The following SPEF2 variants were observed in gnomAD, a reference collection of about 807,000 sequenced individuals.
SPEF2 encodes sperm flagella and cilia-associated protein 2.
A neutral mutation model predicts 224.6 loss-of-function variants in SPEF2; 187 were observed. That is an observed-to-expected ratio of 0.83 (90% CI 0.74 to 0.94). The LOEUF (loss-of-function observed/expected upper bound fraction) is 0.94. SPEF2 is among the 40% of genes least tolerant of loss of function. SPEF2 has a pLI of 0.00. For synonymous variants in SPEF2, 715 were observed against 707.3 expected, an observed-to-expected ratio of 1.01 and a Z score of -0.17; for missense variants, 2,170 against 2,135.6, an observed-to-expected ratio of 1.02 and a Z score of -0.32.
rs145245267 is a variant in SPEF2, at chr5:35,731,891, T to C, written c.3063+4068T>C. Among the ~76,000 whole-genome samples, 1,515 of 152,266 alleles carry C rather than the reference T, an allele frequency of 9.9e-3. 26 individuals carry two copies. The highest frequency in any genetic ancestry group is 0.035 in the African/African-American group (1,456 of 41,536). The stretch of plus-strand genomic sequence containing the variant: ...CAGGGGCTGGAAGAACCTACAGATA[T>C]TACATTATCCATGACTCACAGAAAT... On this transcript the variant is annotated intron_variant, in intron 21 of 36. Coordinates refer to ENST00000356031, the MANE Select transcript of SPEF2 (RefSeq NM_024867.4).
chr5:35,712,318 C>G (rs1317439782), intron 19 of SPEF2, among the ~76,000 whole-genome samples: 2 of 151,908 alleles, frequency 1.3e-5, no homozygotes, highest in Admixed American at 1.3e-4. Flanking sequence ...CATACTCAAA[C>G]TCCTGGGCTC....
chr5:35,621,730 G>A (rs1390074352), intron 1 of SPEF2, among the ~76,000 whole-genome samples: 1 of 152,188 alleles, frequency 6.6e-6, no homozygotes, highest in Non-Finnish European at 1.5e-5. Flanking sequence ...AGAAACAGGA[G>A]AGAATGCCAA....
At position 35,641,670 on chromosome 5, in the gene SPEF2, A is replaced by G; in HGVS notation, c.401A>G (p.Asp134Gly). The change falls in exon 3 of 37, where the codon GAT (aspartate) becomes GGT (glycine). Residue 134 changes from aspartate (D) to glycine (G), a missense_variant. Coordinates refer to ENST00000356031, the MANE Select transcript of SPEF2 (RefSeq NM_024867.4). ...TTAAGACTTCAAAACATGAAAAGTG[A>G]TACTTTTCAAGAGGTAGGTACATAA... ...TNLRLQNMKS[D>G]TFQERLRHMI... 6 of 1,612,900 alleles carry G rather than the reference A, an allele frequency of 3.7e-6. No individual in the cohort carries two copies. Among genetic ancestry groups the G allele is most frequent in the Non-Finnish European group, 5.1e-6 (6 of 1,179,458 alleles).
At chr5:35,805,185 C>T (rs1757908474) in intron 34 of SPEF2, among the ~76,000 whole-genome samples, 1 of 151,934 alleles carries the variant, frequency 6.6e-6, no homozygotes, top group South Asian at 2.1e-4. Flanking sequence ...CCTGTTAGAG[C>T]ATTCCCTCTG....
At chr5:35,695,368 AGT>A (rs1036634366) in intron 13 of SPEF2, among the ~76,000 whole-genome samples, 2 of 152,120 alleles carry the variant, frequency 1.3e-5, no homozygotes, top group Non-Finnish European at 2.9e-5. Flanking sequence ...GGAAAATAAA[AGT>A]GTAAAAAAAT....
intron 1 of SPEF2, among the ~76,000 whole-genome samples, chr5:35,627,860 A>C (rs987740946): frequency 7.2e-5 from 11 of 152,178 alleles, no homozygotes; most frequent in African/African-American, 2.7e-4. Context: ...CTCTGGCTCT[A>C]AAGTCAGTTT....
At chr5:35,669,546 G>A (rs889764682) in intron 9 of SPEF2, among the ~76,000 whole-genome samples, 1 of 152,006 alleles carries the variant, frequency 6.6e-6, no homozygotes, top group African/African-American at 2.4e-5. Context: ...TTAAGTCCAG[G>A]TATTCCACTT....
In SPEF2 at chr5:35,739,931, T is replaced by A. The variant is rs1159000504; in HGVS notation, c.3076T>A (p.Phe1026Ile). 3.1e-6 allele frequency: 5 copies of A among 1,613,388 alleles called. No homozygotes were observed. The East Asian group carries it at 1.1e-4, about 36-fold the overall frequency. ...TACCATTTAACAGGAAATGCCTTTG[T>A]TTTTAGTACCTTACTGGGAACTAAT... ...NEPVPEEMPL[F>I]LVPYWELIEN... is the part of the protein sequence containing the mutation. The change falls in exon 22 of 37, where the codon TTT (phenylalanine) becomes ATT (isoleucine). Residue 1026 changes from phenylalanine to isoleucine, a missense_variant. Transcript: ENST00000356031.
chr5:35,645,112 T>C (rs989064), intron 4 of SPEF2, among the ~76,000 whole-genome samples: 92,100 of 152,026 alleles, frequency 0.61, 28,612 homozygotes, highest in East Asian at 0.74. Flanking sequence ...CCTTTGTGGG[T>C]GAGAGAATAA....
chr5:35,628,293 G>A (rs1030773866), intron 1 of SPEF2, among the ~76,000 whole-genome samples, 167 bp from the exon 2 acceptor site: 3 of 152,062 alleles, frequency 2.0e-5, no homozygotes, highest in African/African-American at 4.8e-5. Context: ...ACTGTTAAAT[G>A]TCAACCTTTT....
chr5:35,753,369 A>G (rs1002218455), intron 23 of SPEF2, among the ~76,000 whole-genome samples: 1 of 152,200 alleles, frequency 6.6e-6, no homozygotes, highest in African/African-American at 2.4e-5. Context: ...CCATTCATGA[A>G]TAAAGTAAAA....
At chr5:35,718,446 G>T (rs973372539) in intron 20 of SPEF2, among the ~76,000 whole-genome samples, 7 of 152,122 alleles carry the variant, frequency 4.6e-5, no homozygotes, top group African/African-American at 1.7e-4. Flanking sequence ...CATCTAGAAA[G>T]AGGGGAGCAG....
At chr5:35,795,168 CG>C (rs1756491158) in intron 32 of SPEF2, among the ~76,000 whole-genome samples, 1 of 151,872 alleles carries the variant, frequency 6.6e-6, no homozygotes, top group Non-Finnish European at 1.5e-5. Flanking sequence ...GACAGAGGGA[CG>C]TCATGAATAA....
chr5:35,626,738 T>C (rs1455870342), intron 1 of SPEF2, among the ~76,000 whole-genome samples: 1 of 152,200 alleles, frequency 6.6e-6, no homozygotes, highest in African/African-American at 2.4e-5. Context: ...AACTTAAGGA[T>C]TGAGGTATTA....
chr5:35,668,523 G>A (rs573902712), intron 9 of SPEF2, among the ~76,000 whole-genome samples: 35 of 152,188 alleles, frequency 2.3e-4, no homozygotes, highest in African/African-American at 8.4e-4. Context: ...AGAGGGAAGT[G>A]AGTGTGGCTC....
intron 6 of SPEF2, among the ~76,000 whole-genome samples, chr5:35,650,025 T>A (rs1247789296): frequency 6.6e-6 from 1 of 152,214 alleles, no homozygotes; most frequent in Non-Finnish European, 1.5e-5. Flanking sequence ...TGGGTTTTTT[T>A]ATATTTTTAA....
chr5:35,734,984 A>G (rs1746331365), intron 21 of SPEF2, among the ~76,000 whole-genome samples: 1 of 152,100 alleles, frequency 6.6e-6, no homozygotes, highest in Admixed American at 6.5e-5. Flanking sequence ...TGCTGGGATT[A>G]TAGGCATGAG....
At chr5:35,793,759 C>CACATACAT (rs4024111) in intron 32 of SPEF2, among the ~76,000 whole-genome samples, 1 of 141,760 alleles carries the variant, frequency 7.1e-6, no homozygotes, top group Non-Finnish European at 1.5e-5. Flanking sequence ...CACACACACA[C>CACATACAT]ACACACACAG....
In SPEF2 at chr5:35,659,017, A is replaced by G; in HGVS notation, c.979-2A>G. The G allele has an allele frequency of 1.9e-6, 3 of 1,540,434 alleles. No homozygotes were observed. Among genetic ancestry groups the G allele is most frequent in the Non-Finnish European group, 2.6e-6 (3 of 1,139,310 alleles). ...AACAAATAATTCCCCTGGTGTTTTC[A>G]GGAGGCTTATCGGGAGGAACAGCTG... On this transcript the variant is annotated splice_acceptor_variant, in intron 7 of 36. Transcript: ENST00000356031. LOFTEE classifies it high-confidence loss of function.
Sources: allele counts gnomAD v4.1 joint callset (sites outside exome capture counted in the v4.1 genomes callset), GRCh38; gene constraint gnomAD v4.1.1; transcripts MANE v1.5; gene names NCBI Gene and HGNC (gene_info 2026-07-23, HGNC 2026-07-21).